RIPK3: variants seen among roughly 807,000 people sequenced by gnomAD.
RIPK3 encodes the protein receptor interacting serine/threonine kinase 3.
In RIPK3, 51 loss-of-function variants were observed where a neutral mutation model predicts 51.6. The observed-to-expected ratio is 0.99, with a 90% CI of 0.79 to 1.25. The LOEUF is 1.25. Among genes scored for constraint, RIPK3 ranks in the 50% most tolerant of loss-of-function variants. The pLI is 0.00. For missense variants in RIPK3, 654 were observed against 650.4 expected, an observed-to-expected ratio of 1.01 and a Z score of -0.06; for synonymous variants, 246 against 257.7, an observed-to-expected ratio of 0.95 and a Z score of 0.44.
chr14:24,338,951 C>A (rs775177041), intron 3 of RIPK3, 64 bp downstream of exon 3: 1 of 1,320,750 alleles, frequency 7.6e-7, no homozygotes, highest in Non-Finnish European at 1.1e-6. Flanking sequence ...TAGTGTCCGG[C>A]GGGCCTGGCT....
intron 7 of RIPK3, 65 bp downstream of exon 7, chr14:24,337,630 T>C (rs2042149248): frequency 6.5e-7 from 1 of 1,544,504 alleles, no homozygotes; most frequent in Middle Eastern, 1.7e-4. Flanking sequence ...AGTCATTGGA[T>C]GGCCAGGTAG....
rs200590498 is a variant in RIPK3, at chr14:24,339,433, C to T, written c.161+24G>A. The T allele has an allele frequency of 6.2e-7, 1 of 1,614,132 alleles. No individual in the cohort carries two copies. Among genetic ancestry groups the T allele is most frequent in the Middle Eastern group, 1.6e-4 (1 of 6,062 alleles). On this transcript the variant is annotated intron_variant, in intron 2 of 9. Coordinates refer to ENST00000216274, the MANE Select transcript of RIPK3 (RefSeq NM_006871.4). The surrounding 1 kb of genome is among the most constrained non-coding windows in gnomAD (Gnocchi z 4.0). Reference sequence around the variant, plus strand: ...CTCCACCTTTTTGGCCAGATTGCGGCTGGGGTCAACCGGGGTCACTCACGA... The same window carrying T: ...CTCCACCTTTTTGGCCAGATTGCGGTTGGGGTCAACCGGGGTCACTCACGA...
In RIPK3 at chr14:24,337,950, G is replaced by A; in HGVS notation, c.755C>T (p.Thr252Ile). 6.2e-7 allele frequency: 1 copy of A among 1,614,230 alleles called. No individual in the cohort carries two copies. Among genetic ancestry groups the A allele is most frequent in the Non-Finnish European group, 8.5e-7 (1 of 1,180,040 alleles). ...LAELPQAGPE[T>I]PGLEGLKELM... Reference sequence around the variant, plus strand: ...CTCCTTCAGTCCTTCTAAGCCGGGAGTCTCAGGCCCGGCTTGGGGCAGCTC... The same window carrying A: ...CTCCTTCAGTCCTTCTAAGCCGGGAATCTCAGGCCCGGCTTGGGGCAGCTC... The change falls in exon 6 of 10, where the codon ACT becomes ATT. Residue 252 changes from threonine (T) to isoleucine (I), a missense_variant. Coordinates refer to ENST00000216274, the MANE Select transcript of RIPK3 (RefSeq NM_006871.4).
At chr14:24,337,784 G>A in intron 6 of RIPK3, 22 bp from the exon 7 acceptor site, 3 of 1,614,038 alleles carry the variant, frequency 1.9e-6, no homozygotes, top group African/African-American at 1.3e-5. Context: ...GCAGAGTGGA[G>A]TGCAGGTGAG....
Position 24,339,838 on chromosome 14 carries a change from G to A in RIPK3, c.-12C>T. ...TTGACGCACGACATCAGGCTGGAAG[G>A]TGCCAGGGGGCCTCTGGAAATTGCG... On this transcript the variant is annotated 5_prime_UTR_variant, in exon 1 of 10. Coordinates refer to ENST00000216274, the MANE Select transcript of RIPK3 (RefSeq NM_006871.4). The surrounding 1 kb of genome is among the most constrained non-coding windows in gnomAD (Gnocchi z 4.0). The A allele has an allele frequency of 6.4e-7, 1 of 1,557,504 alleles. No individual in the cohort carries two copies. Among genetic ancestry groups the A allele is most frequent in the East Asian group, 2.2e-5 (1 of 44,564 alleles).
Position 24,336,236 on chromosome 14 carries a change from C to T in RIPK3, c.1496G>A (p.Gly499Asp), listed in dbSNP as rs773422314. The change falls in exon 10 of 10, where the codon GGC becomes GAC. Residue 499 changes from glycine to aspartate, a missense_variant. By Grantham distance (94) the Gly-to-Asp change is moderately conservative. Transcript: ENST00000216274. Reference sequence around the variant, plus strand: ...GCTCCAGGCTTCAGGATCTTTAGGGCCTTCTTGCGAACCTACTGGTGGGGG... The same window carrying T: ...GCTCCAGGCTTCAGGATCTTTAGGGTCTTCTTGCGAACCTACTGGTGGGGG... ...QHPPPVGSQEGPKDPEAWSRP... is the reference protein window; with the variant it reads ...QHPPPVGSQEDPKDPEAWSRP... 6.2e-6 allele frequency: 10 copies of T among 1,613,976 alleles called. No individual in the cohort carries two copies. Among genetic ancestry groups the T allele is most frequent in the South Asian group, 2.2e-5 (2 of 91,082 alleles).
chr14:24,337,946 G>T lies in RIPK3; in HGVS notation c.759C>A (p.Pro253=). ...TTAGCTCCTTCAGTCCTTCTAAGCC[G>T]GGAGTCTCAGGCCCGGCTTGGGGCA... ...AELPQAGPET[P]GLEGLKELMQ... Residue 253 remains proline (P), a synonymous_variant, in exon 6 of 10, where the codon CCC becomes CCA. Transcript: ENST00000216274. 6.2e-7 allele frequency: 1 copy of T among 1,614,182 alleles called. No homozygotes were observed. The highest frequency in any genetic ancestry group is 8.5e-7 in the Non-Finnish European group (1 of 1,180,024).
In RIPK3 at chr14:24,337,444, G is replaced by A. The variant is rs755638286; in HGVS notation, c.917C>T (p.Ser306Phe). 6.2e-7 allele frequency: 1 copy of A among 1,613,354 alleles called. No individual in the cohort carries two copies. Among genetic ancestry groups the A allele is most frequent in the Non-Finnish European group, 8.5e-7 (1 of 1,179,444 alleles). ...AAVSTVKDFLSQLRSSNRRFS... is the reference protein window; with the variant it reads ...AAVSTVKDFLFQLRSSNRRFS... ...TCTCCTATTGCTGCTCCTGAGCTGA[G>A]ACAGGAAATCCTTTACCTGCAGGGA... Residue 306 changes from serine (S) to phenylalanine (F), a missense_variant, in exon 8 of 10, where the codon TCT becomes TTT. Transcript: ENST00000216274.
chr14:24,339,184 G>T lies in RIPK3; in HGVS notation c.302C>A (p.Ser101Tyr), dbSNP rs1290006254. ...CTGGGACTGCAGCAGCCCCGACAAG[G>T]AGCCGTTCTCCATGAATTTAGTCAC... ...ALVTKFMENG[S>Y]LSGLLQSQCP... Residue 101 changes from serine (S) to tyrosine (Y), a missense_variant, in exon 3 of 10, where the codon TCC becomes TAC. Transcript: ENST00000216274. The surrounding 1 kb of genome is among the most constrained non-coding windows in gnomAD (Gnocchi z 4.0). The T allele has an allele frequency of 6.2e-7, 1 of 1,614,246 alleles. No individual in the cohort carries two copies. The highest frequency in any genetic ancestry group is 8.5e-7 in the Non-Finnish European group (1 of 1,180,044).
chr14:24,336,388 C>A lies in RIPK3; in HGVS notation c.1344G>T (p.Pro448=), dbSNP rs770238511. ...CAGAGCAGTTGTATATGTTAACGAG[C>A]GGTCGCCCTTTAAGAGAAATAGTGA... is the stretch of plus-strand genomic sequence containing the variant. The part of the protein sequence containing the change: ...TPEPNPVTGR[P]LVNIYNCSGV... Residue 448 remains proline (P), a synonymous_variant, in exon 10 of 10, where the codon CCG becomes CCT. Transcript: ENST00000216274. 1.9e-6 allele frequency: 3 copies of A among 1,612,988 alleles called. No individual in the cohort carries two copies. Among genetic ancestry groups the A allele is most frequent in the African/African-American group, 1.3e-5 (1 of 74,904 alleles).
intron 3 of RIPK3, 30 bp from the exon 4 acceptor site, chr14:24,338,597 G>A (rs2042159066): frequency 3.2e-6 from 5 of 1,579,072 alleles, no homozygotes; most frequent in Non-Finnish European, 4.3e-6. Flanking sequence ...GTGGGAGGTA[G>A]GGAAGACAAG....
At position 24,337,730 on chromosome 14, in the gene RIPK3, T is replaced by C; in HGVS notation, c.865A>G (p.Met289Val). 6.2e-7 allele frequency: 1 copy of C among 1,613,726 alleles called. No homozygotes were observed. Among genetic ancestry groups the C allele is most frequent in the East Asian group, 2.2e-5 (1 of 44,884 alleles). ...GCAGCATTCATATTGTTCTCCACCA[T>C]CTGGAAGACTTCATCAGTTTTTGGT... ...CLPKTDEVFQ[M>V]VENNMNAAVS... Residue 289 changes from methionine (M) to valine (V), a missense_variant, in exon 7 of 10, where the codon ATG becomes GTG. By Grantham distance (21) the Met-to-Val change is conservative. Transcript: ENST00000216274.
chr14:24,337,581 G>C (rs755763092), intron 7 of RIPK3, 114 bp downstream of exon 7: 1 of 1,579,318 alleles, frequency 6.3e-7, no homozygotes, highest in East Asian at 2.2e-5. Context: ...GGGACGGTGG[G>C]TACAAAGGTC....
rs1312741277 is a variant in RIPK3 at position 24,337,927 on chromosome 14, C to T, written c.778G>A (p.Glu260Lys). Residue 260 changes from glutamate (E) to lysine (K), a missense_variant, in exon 6 of 10, where the codon GAG becomes AAG. Transcript: ENST00000216274. ...CTGCTCCAGCAGAGCTGCATTAGCT[C>T]CTTCAGTCCTTCTAAGCCGGGAGTC... is the stretch of plus-strand genomic sequence containing the variant. ...PETPGLEGLK[E>K]LMQLCWSSEP... is the part of the protein sequence containing the mutation. 6.2e-7 allele frequency: 1 copy of T among 1,614,076 alleles called. No individual in the cohort carries two copies. Among genetic ancestry groups the T allele is most frequent in the Non-Finnish European group, 8.5e-7 (1 of 1,180,050 alleles).
chr14:24,336,470 T>C (rs2042136438), intron 9 of RIPK3, 75 bp from the exon 10 acceptor site: 2 of 1,562,062 alleles, frequency 1.3e-6, no homozygotes, highest in Non-Finnish European at 8.6e-7. Flanking sequence ...GTGGGGAGTA[T>C]GAAGTCTCTA....
chr14:24,338,885 G>C, intron 3 of RIPK3, 130 bp downstream of exon 3: 1 of 791,808 alleles, frequency 1.3e-6, no homozygotes, highest in Non-Finnish European at 2.0e-6. Flanking sequence ...TCCCCTGGCA[G>C]CCCTGTGTCC....
chr14:24,338,206 G>A (rs369619556), intron 5 of RIPK3, 43 bp downstream of exon 5: 27 of 1,532,614 alleles, frequency 1.8e-5, no homozygotes, highest in Non-Finnish European at 2.4e-5. Context: ...TCAAGAGAAG[G>A]GCACCTGGGG....
At chr14:24,338,157 G>A in intron 5 of RIPK3, 92 bp downstream of exon 5, 4 of 1,563,198 alleles carry the variant, frequency 2.6e-6, no homozygotes, top group South Asian at 1.2e-5. Context: ...GAGGAGGGCA[G>A]TCTAAGTAGG....
In RIPK3 at chr14:24,337,398, G is replaced by A; in HGVS notation, c.963C>T (p.Gly321=). 6.2e-7 allele frequency: 1 copy of A among 1,613,948 alleles called. No individual in the cohort carries two copies. The highest frequency in any genetic ancestry group is 1.1e-5 in the South Asian group (1 of 91,078). The part of the protein sequence containing the change: ...SNRRFSIPES[G]QGGTEMDGFR... ...AGCCATCCATTTCTGTCCCTCCTTG[G>A]CCTGACTCTGGGATAGAAAATCTCC... Residue 321 remains glycine, a synonymous_variant, in exon 8 of 10, where the codon GGC becomes GGT. Transcript: ENST00000216274.
Sources: allele counts gnomAD v4.1 joint callset, GRCh38; gene constraint gnomAD v4.1.1; non-coding constraint Gnocchi (gnomAD v3.1); transcripts MANE v1.5; gene names NCBI Gene and HGNC (gene_info 2026-07-23, HGNC 2026-07-21).